Variants in INPP4B observed in about 807,000 individuals in gnomAD.
The protein encoded by INPP4B is inositol polyphosphate 4-phosphatase type II.
In INPP4B, 55 loss-of-function variants were observed where a neutral mutation model predicts 122.5. The observed-to-expected ratio is 0.45, with a 90% CI of 0.36 to 0.56. The LOEUF is 0.56. INPP4B is among the 20% of genes least tolerant of loss of function. INPP4B has a pLI of 0.00. For missense variants in INPP4B, 1,000 were observed against 1,097.7 expected (o/e 0.91, Z 1.26); for synonymous variants, 403 against 388.7 (o/e 1.04, Z -0.43).
At chr4:142,361,202 C>G (rs915338379) in intron 7 of INPP4B, among the ~76,000 whole-genome samples, 1 of 151,914 alleles carries the variant, frequency 6.6e-6, no homozygotes, top group Non-Finnish European at 1.5e-5. Context: ...TTTAGAAGTA[C>G]AAATAGGTTT....
At chr4:142,258,824 C>T (rs921354254) in intron 11 of INPP4B, among the ~76,000 whole-genome samples, 59 of 152,186 alleles carry the variant, frequency 3.9e-4, no homozygotes, top group East Asian at 1.9e-3. Context: ...GAACTAGAAA[C>T]ACCATTTGAC....
chr4:142,826,487 T>C (rs953568555), intron 1 of INPP4B, among the ~76,000 whole-genome samples: 4 of 141,934 alleles, frequency 2.8e-5, no homozygotes, highest in Admixed American at 2.8e-4. Context: ...CTAAATTGTG[T>C]TCATAAAATC....
intron 5 of INPP4B, among the ~76,000 whole-genome samples, chr4:142,414,824 G>A (rs576712287): frequency 1.3e-5 from 2 of 152,238 alleles, no homozygotes; most frequent in Admixed American, 1.3e-4. Flanking sequence ...GGCTCTTTTT[G>A]TGCATGCTCC....
chr4:142,721,542 GC>G (rs1764677969), intron 2 of INPP4B, among the ~76,000 whole-genome samples: 1 of 152,188 alleles, frequency 6.6e-6, no homozygotes, highest in South Asian at 2.1e-4. Flanking sequence ...ATGTCATAAG[GC>G]CGGGCGCTGT....
intron 12 of INPP4B, among the ~76,000 whole-genome samples, chr4:142,215,086 T>C (rs576931521): frequency 1.3e-5 from 2 of 152,292 alleles, no homozygotes; most frequent in Admixed American, 1.3e-4. Context: ...TCAGAGTTCA[T>C]ATAAGATTCA....
chr4:142,279,635 G>C (rs908585839), intron 9 of INPP4B, among the ~76,000 whole-genome samples: 1 of 151,686 alleles, frequency 6.6e-6, no homozygotes, highest in African/African-American at 2.4e-5. Context: ...ACATAAAAAT[G>C]TAACACTTTA....
intron 8 of INPP4B, among the ~76,000 whole-genome samples, chr4:142,312,879 G>A (rs1043483068): frequency 6.6e-6 from 1 of 152,158 alleles, no homozygotes; most frequent in African/African-American, 2.4e-5. Flanking sequence ...CTCTTAACAG[G>A]TAACCATTGC....
At chr4:142,554,432 T>C (rs1469828163) in intron 2 of INPP4B, among the ~76,000 whole-genome samples, 2 of 151,140 alleles carry the variant, frequency 1.3e-5, no homozygotes, top group African/African-American at 4.9e-5. Context: ...CTACTCTTGA[T>C]CTCCTCAAAT....
chr4:142,726,230 A>G (rs1038395298), intron 1 of INPP4B, among the ~76,000 whole-genome samples: 2 of 152,244 alleles, frequency 1.3e-5, no homozygotes, highest in African/African-American at 2.4e-5. Context: ...TCAAAAGACA[A>G]GATGTAAGCA....
chr4:142,173,425 GAA>G (rs34846567), intron 16 of INPP4B, among the ~76,000 whole-genome samples: 102 of 135,156 alleles, frequency 7.5e-4, no homozygotes, highest in African/African-American at 2.6e-3. Context: ...TTCCTACTAA[GAA>G]AAAAAAAAAA....
intron 1 of INPP4B, among the ~76,000 whole-genome samples, chr4:142,845,113 A>G (rs1784024485): frequency 6.6e-6 from 1 of 152,190 alleles, no homozygotes; most frequent in Non-Finnish European, 1.5e-5. Context: ...AAACAAGAGT[A>G]ATAGAAAACC....
chr4:142,321,920 G>A (rs967852232), intron 7 of INPP4B, among the ~76,000 whole-genome samples: 1 of 152,038 alleles, frequency 6.6e-6, no homozygotes, highest in Non-Finnish European at 1.5e-5. Flanking sequence ...TTAGTATATG[G>A]TTAAGAGAAA....
At chr4:142,747,049 G>T (rs1453931675) in intron 1 of INPP4B, among the ~76,000 whole-genome samples, 1 of 152,140 alleles carries the variant, frequency 6.6e-6, no homozygotes, top group Non-Finnish European at 1.5e-5. Flanking sequence ...AAGAGCTTCT[G>T]CACAGTGAAA....
chr4:142,387,213 C>T (rs1374521508), intron 7 of INPP4B, among the ~76,000 whole-genome samples: 1 of 151,930 alleles, frequency 6.6e-6, no homozygotes, highest in African/African-American at 2.4e-5. Context: ...ATTAAAAATT[C>T]GTGGGGATTT....
At chr4:142,215,622 T>G (rs1056484529) in intron 12 of INPP4B, among the ~76,000 whole-genome samples, 7 of 151,914 alleles carry the variant, frequency 4.6e-5, no homozygotes, top group Non-Finnish European at 7.4e-5. Flanking sequence ...TGCATGTTGC[T>G]TCATTGATAT....
intron 7 of INPP4B, among the ~76,000 whole-genome samples, chr4:142,394,598 G>T: frequency 6.6e-6 from 1 of 152,012 alleles, no homozygotes; most frequent in Non-Finnish European, 1.5e-5. Flanking sequence ...TAATATACCT[G>T]TTGGCCATTT....
chr4:142,622,554 G>T (rs1052048006), intron 2 of INPP4B, among the ~76,000 whole-genome samples: 1 of 151,920 alleles, frequency 6.6e-6, no homozygotes, highest in Non-Finnish European at 1.5e-5. Flanking sequence ...CAATGAGACC[G>T]CCTGAGTGGA....
At position 142,207,623 on chromosome 4, in the gene INPP4B, G is replaced by A. The variant is rs114460915; in HGVS notation, c.1072+802C>T. ...TGACCACAGCATTAGTCGTTTACACGGGGAGACTTTTAAGAAGGAAAGGAA... is the reference window on the plus strand; with the variant it reads ...TGACCACAGCATTAGTCGTTTACACAGGGAGACTTTTAAGAAGGAAAGGAA... On this transcript the variant is annotated intron_variant, in intron 14 of 25. Coordinates refer to ENST00000262992, the MANE Select transcript of INPP4B (RefSeq NM_001101669.3). Among the ~76,000 whole-genome samples the A allele has an allele frequency of 4.0e-3, 602 of 152,122 alleles. 5 individuals carry two copies. Among genetic ancestry groups the A allele is most frequent in the African/African-American group, 0.013 (556 of 41,500 alleles).
intron 2 of INPP4B, among the ~76,000 whole-genome samples, chr4:142,644,531 T>A (rs994197063): frequency 6.6e-6 from 1 of 151,970 alleles, no homozygotes; most frequent in African/African-American, 2.4e-5. Flanking sequence ...TATTGTCAAC[T>A]AGCTTTAGTT....
Sources: allele counts gnomAD v4.1 joint callset (sites outside exome capture counted in the v4.1 genomes callset), GRCh38; gene constraint gnomAD v4.1.1; transcripts MANE v1.5; gene names NCBI Gene and HGNC (gene_info 2026-07-23, HGNC 2026-07-21).